ZNF438: variants seen among roughly 807,000 people sequenced by gnomAD.
ZNF438 encodes zinc finger protein 438.
A neutral mutation model predicts 38.0 loss-of-function variants in ZNF438; 25 were observed. That is an observed-to-expected ratio of 0.66 (90% CI 0.48 to 0.92). ZNF438 has a LOEUF of 0.92. Among genes scored for constraint, ZNF438 ranks in the 40% least tolerant of loss-of-function variants. The pLI, the probability that ZNF438 is intolerant of heterozygous loss-of-function variation, is 0.00. For synonymous variants in ZNF438, 372 were observed against 364.1 expected (o/e 1.02, Z -0.25); for missense variants, 1,007 against 999.6 (o/e 1.01, Z -0.10).
intron 3 of ZNF438, among the ~76,000 whole-genome samples, chr10:30,888,728 G>A (rs1441131320): frequency 3.3e-5 from 5 of 152,280 alleles, no homozygotes; most frequent in African/African-American, 4.8e-5. Context: ...TGGCTGCATC[G>A]TATTCCATGG....
At chr10:31,003,586 C>T (rs2054860205) in intron 1 of ZNF438, among the ~76,000 whole-genome samples, 1 of 152,170 alleles carries the variant, frequency 6.6e-6, no homozygotes, top group Non-Finnish European at 1.5e-5. Flanking sequence ...CATGAAGGTA[C>T]AAGTGCATTC....
chr10:31,004,181 G>A (rs2054910872), intron 1 of ZNF438, among the ~76,000 whole-genome samples: 1 of 152,144 alleles, frequency 6.6e-6, no homozygotes, highest in Admixed American at 6.5e-5. Context: ...ATGCTGCTAA[G>A]CATCCTACAA....
At chr10:30,942,975 A>G (rs1220280914) in intron 1 of ZNF438, among the ~76,000 whole-genome samples, 2 of 152,246 alleles carry the variant, frequency 1.3e-5, no homozygotes, top group African/African-American at 4.8e-5. Flanking sequence ...AATACGTTTC[A>G]GAAAGGCAAT....
At chr10:30,889,071 A>T (rs2040345305) in intron 3 of ZNF438, among the ~76,000 whole-genome samples, 1 of 152,220 alleles carries the variant, frequency 6.6e-6, no homozygotes, top group African/African-American at 2.4e-5. Context: ...ATAATATCTA[A>T]TAGAAGCTAA....
chr10:30,988,813 A>T (rs949589080), intron 1 of ZNF438, among the ~76,000 whole-genome samples: 1 of 152,166 alleles, frequency 6.6e-6, no homozygotes, highest in African/African-American at 2.4e-5. Flanking sequence ...TTTGGCAATA[A>T]ACAGTTAACC....
intron 1 of ZNF438, among the ~76,000 whole-genome samples, chr10:30,975,478 C>T (rs2051239143): frequency 6.6e-6 from 1 of 152,202 alleles, no homozygotes; most frequent in Admixed American, 6.5e-5. Flanking sequence ...AGGACACAAG[C>T]TTACAAGCTA....
chr10:30,965,039 T>C (rs920844699), intron 1 of ZNF438, among the ~76,000 whole-genome samples: 3 of 152,080 alleles, frequency 2.0e-5, no homozygotes, highest in African/African-American at 7.2e-5. Context: ...TCAAAAACTA[T>C]GCATCCAACA....
chr10:30,864,826 C>T (rs1421146757), intron 4 of ZNF438, among the ~76,000 whole-genome samples: 2 of 152,318 alleles, frequency 1.3e-5, no homozygotes, highest in African/African-American at 4.8e-5. Context: ...TTCCCTCGAA[C>T]CCCTAGAATC....
chr10:30,949,193 C>G (rs537860988), intron 1 of ZNF438, among the ~76,000 whole-genome samples: 1 of 151,630 alleles, frequency 6.6e-6, no homozygotes, highest in East Asian at 1.9e-4. Flanking sequence ...TACAGACAAA[C>G]AAATGCTGAG....
At chr10:30,934,003 G>A (rs897590095) in intron 2 of ZNF438, among the ~76,000 whole-genome samples, 9 of 152,108 alleles carry the variant, frequency 5.9e-5, no homozygotes, top group South Asian at 2.1e-4. Flanking sequence ...AAAATTAGCC[G>A]GGTGTGGTGG....
chr10:31,019,132 C>G, intron 1 of ZNF438, among the ~76,000 whole-genome samples: 1 of 152,192 alleles, frequency 6.6e-6, no homozygotes, highest in Admixed American at 6.5e-5. Flanking sequence ...ACAATCTATT[C>G]TCCATAGTCA....
intron 3 of ZNF438, among the ~76,000 whole-genome samples, chr10:30,894,400 G>A (rs990288417): frequency 2.6e-5 from 4 of 152,174 alleles, no homozygotes; most frequent in Admixed American, 6.5e-5. Context: ...GCACCAGGTG[G>A]GAGAGGAAGC....
At chr10:30,874,306 G>A (rs927058013) in intron 4 of ZNF438, among the ~76,000 whole-genome samples, 3 of 151,598 alleles carry the variant, frequency 2.0e-5, no homozygotes, top group African/African-American at 7.3e-5. Flanking sequence ...GAGCCATCAC[G>A]CCTAGCTAAT....
chr10:30,930,652 C>CAA (rs1491080354), intron 2 of ZNF438, among the ~76,000 whole-genome samples: 1 of 151,318 alleles, frequency 6.6e-6, no homozygotes, highest in Non-Finnish European at 1.5e-5. Flanking sequence ...CACACACACA[C>CAA]AAAAATTAGC....
chr10:30,878,566 A>G (rs2038789606), intron 3 of ZNF438, among the ~76,000 whole-genome samples: 1 of 152,136 alleles, frequency 6.6e-6, no homozygotes, highest in East Asian at 1.9e-4. Flanking sequence ...CACTGGATGC[A>G]GGTACCCAAA....
chr10:30,994,378 G>C lies in ZNF438; in HGVS notation c.-192+37455C>G, dbSNP rs79999796. On this transcript the variant is annotated intron_variant, in intron 1 of 5. Coordinates refer to ENST00000413025, the Ensembl canonical transcript of ZNF438. The stretch of plus-strand genomic sequence containing the variant: ...TTTTAAGAGGTGACTGGGTCATGAG[G>C]GTTCTGCTCTCATGAATGGATTAGT... Among the ~76,000 whole-genome samples, 1,141 of 152,312 alleles carry C rather than the reference G, an allele frequency of 7.5e-3. 10 individuals are homozygous for C. Among genetic ancestry groups the C allele is most frequent in the Admixed American group, 0.025 (389 of 15,298 alleles).
At chr10:30,872,739 G>A (rs2037675894) in intron 4 of ZNF438, among the ~76,000 whole-genome samples, 1 of 107,576 alleles carries the variant, frequency 9.3e-6, no homozygotes, top group African/African-American at 3.7e-5. Context: ...GACAGAGTGA[G>A]ACTCTGTCTC....
chr10:30,846,116 G>A lies in ZNF438; in HGVS notation c.1875-543C>T, dbSNP rs185128213. ...TTTCTGTCCCCTTTAAGACCTCTGTGCCTTTCACTAATGAACCATGAAACC... is the reference window on the plus strand; with the variant it reads ...TTTCTGTCCCCTTTAAGACCTCTGTACCTTTCACTAATGAACCATGAAACC... On this transcript the variant is annotated intron_variant, in intron 5 of 5. Transcript: ENST00000413025. 8.5e-5 allele frequency among the ~76,000 whole-genome samples: 13 copies of A among 152,326 alleles called. No individual in the cohort carries two copies. The East Asian group carries it at 2.3e-3, about 27-fold the overall frequency.
intron 4 of ZNF438, 144 bp from the exon 6 acceptor site, chr10:30,850,511 C>A: frequency 1.2e-6 from 1 of 851,742 alleles, no homozygotes. Flanking sequence ...TTGTGTCCCT[C>A]AAGACCAGCT....
Sources: allele counts gnomAD v4.1 joint callset (sites outside exome capture counted in the v4.1 genomes callset), GRCh38; gene constraint gnomAD v4.1.1; transcripts MANE v1.5; gene names NCBI Gene and HGNC (gene_info 2026-07-23, HGNC 2026-07-21).